The following FAM222A variants were observed in gnomAD, a reference collection of about 807,000 sequenced individuals.
FAM222A encodes the protein protein FAM222A.
In FAM222A, 7 loss-of-function variants were observed where a neutral mutation model predicts 25.8. The observed-to-expected ratio is 0.27, with a 90% CI of 0.15 to 0.51. The LOEUF is 0.51. Ranked by LOEUF, FAM222A falls within the 20% of genes least tolerant of loss-of-function variation. The pLI, the probability that FAM222A is intolerant of heterozygous loss-of-function variation, is 0.97. For missense variants in FAM222A, 573 were observed against 640.5 expected (o/e 0.89, Z 1.14); for synonymous variants, 294 against 298.8 (o/e 0.98, Z 0.17).
At chr12:109,767,959 G>T (rs1889104020) in intron 2 of FAM222A, 53 bp from the exon 3 acceptor site, 1 of 1,559,996 alleles carries the variant, frequency 6.4e-7, no homozygotes, top group Non-Finnish European at 8.7e-7. Flanking sequence ...GCCCTGTGGG[G>T]AGAGGTTGGC....
chr12:109,743,099 G>A (rs1888289092), intron 1 of FAM222A, among the ~76,000 whole-genome samples: 1 of 152,164 alleles, frequency 6.6e-6, no homozygotes, highest in African/African-American at 2.4e-5. Context: ...TGCCCGGGAA[G>A]ATGGACATCA....
intron 1 of FAM222A, among the ~76,000 whole-genome samples, chr12:109,730,651 G>A (rs368639480): frequency 6.6e-6 from 1 of 152,200 alleles, no homozygotes; most frequent in East Asian, 1.9e-4. Flanking sequence ...GTGGGCGTGT[G>A]TCTGGTCATC....
Position 109,714,337 on chromosome 12 carries a change from T to C in FAM222A, c.-607T>C, listed in dbSNP as rs1427072619. 6.5e-6 allele frequency: 1 copy of C among 153,578 alleles called. No individual in the cohort carries two copies. The highest frequency in any genetic ancestry group is 1.5e-5 in the Non-Finnish European group (1 of 68,532). The allele number at this position is 153,578 out of a possible 1,614,324, so 9.5% of individuals were successfully genotyped here. ...TGCAACCTGCAGGGGCCGGTGTATG[T>C]CCGGCGAGGAGCCGGGGCCGCTGCG... On this transcript the variant is annotated 5_prime_UTR_variant, in exon 1 of 3. Transcript: ENST00000538780. The surrounding 1 kb of genome is among the most constrained non-coding windows in gnomAD (Gnocchi z 4.2).
chr12:109,742,237 T>C (rs1888262618), intron 1 of FAM222A: 1 of 152,276 alleles, frequency 6.6e-6, no homozygotes, highest in Admixed American at 6.5e-5. Context: ...AGGGTGTGTG[T>C]GCACACCCAG....
intron 2 of FAM222A, among the ~76,000 whole-genome samples, chr12:109,745,476 C>G (rs888499626): frequency 6.6e-6 from 1 of 152,136 alleles, no homozygotes. Context: ...GTGGAAATAC[C>G]GGGTCAAACG....
intron 1 of FAM222A, among the ~76,000 whole-genome samples, chr12:109,723,568 G>A (rs1592777935): frequency 6.6e-6 from 1 of 152,008 alleles, no homozygotes; most frequent in Admixed American, 6.5e-5. Flanking sequence ...CATTAGACCC[G>A]CAGTCAGGGC....
chr12:109,739,296 A>T (rs1015781553), intron 1 of FAM222A, among the ~76,000 whole-genome samples: 1 of 152,208 alleles, frequency 6.6e-6, no homozygotes, highest in East Asian at 1.9e-4. Flanking sequence ...CATCAGGAAA[A>T]TGCTGGAGGC....
intron 1 of FAM222A, among the ~76,000 whole-genome samples, chr12:109,723,014 G>A (rs932310560): frequency 6.6e-6 from 1 of 151,396 alleles, no homozygotes; most frequent in Non-Finnish European, 1.5e-5. Context: ...GGGGGGGGAG[G>A]GGGTATCAGG....
At position 109,768,425 on chromosome 12, in the gene FAM222A, C is replaced by A. The variant is rs779987593; in HGVS notation, c.496C>A (p.Pro166Thr). 1 of 1,598,956 alleles carries A rather than the reference C, an allele frequency of 6.3e-7. No individual in the cohort carries two copies. Among genetic ancestry groups the A allele is most frequent in the Admixed American group, 1.7e-5 (1 of 59,842 alleles). Residue 166 changes from proline to threonine, a missense_variant, in exon 3 of 3, where the codon CCT becomes ACT. Around this residue, in one of 3 missense-constraint regions of FAM222A, gnomAD observed 412 missense variants for 407.0 expected, o/e 1.01. Transcript: ENST00000538780. ...PLAYPKPPEA[P>T]APPPGLPAAA... ...GGCCTACCCCAAGCCACCTGAGGCGCCTGCTCCACCACCCGGCCTGCCCGC... is the reference window on the plus strand; with the variant it reads ...GGCCTACCCCAAGCCACCTGAGGCGACTGCTCCACCACCCGGCCTGCCCGC...
chr12:109,732,493 C>T (rs142535245), intron 1 of FAM222A, among the ~76,000 whole-genome samples: 11 of 152,338 alleles, frequency 7.2e-5, no homozygotes, highest in South Asian at 2.1e-4. Flanking sequence ...CATGTGGGGG[C>T]GCGGAGCAGC....
In FAM222A at chr12:109,768,228, A is replaced by C. The variant is rs973212765; in HGVS notation, c.299A>C (p.Gln100Pro). 1 of 1,611,676 alleles carries C rather than the reference A, an allele frequency of 6.2e-7. No homozygotes were observed. The highest frequency in any genetic ancestry group is 1.3e-5 in the African/African-American group (1 of 75,000). Residue 100 changes from glutamine to proline, a missense_variant, in exon 3 of 3, where the codon CAG becomes CCG. By Grantham distance (76) the Gln-to-Pro change is moderately conservative. Coordinates refer to ENST00000538780, the MANE Select transcript of FAM222A (RefSeq NM_032829.3). ...SPYPQHTAGY[Q>P]GLLAIVKAAV... Reference sequence around the variant, plus strand: ...TACCCACAGCACACCGCTGGCTACCAGGGCCTTCTGGCCATTGTCAAGGCC... The same window carrying C: ...TACCCACAGCACACCGCTGGCTACCCGGGCCTTCTGGCCATTGTCAAGGCC...
chr12:109,735,721 A>C (rs1888066973), intron 1 of FAM222A: 1 of 152,254 alleles, frequency 6.6e-6, no homozygotes. Flanking sequence ...TTCCAAAAAA[A>C]ACTGGGCGGG....
intron 1 of FAM222A, among the ~76,000 whole-genome samples, chr12:109,733,224 C>T (rs1887989992): frequency 6.6e-6 from 1 of 152,076 alleles, no homozygotes; most frequent in Admixed American, 6.5e-5. Flanking sequence ...AAATCCATCC[C>T]AGGTTTCAAA....
chr12:109,757,013 T>C (rs907990017), intron 2 of FAM222A, among the ~76,000 whole-genome samples: 1 of 152,246 alleles, frequency 6.6e-6, no homozygotes, highest in Non-Finnish European at 1.5e-5. Flanking sequence ...TCAATCTCTT[T>C]ACTTGTTATA....
chr12:109,729,159 G>C (rs1457161300), intron 1 of FAM222A, among the ~76,000 whole-genome samples: 1 of 152,140 alleles, frequency 6.6e-6, no homozygotes, highest in Non-Finnish European at 1.5e-5. Flanking sequence ...ATCAGCCCAG[G>C]GGTTCCAGCA....
In FAM222A at chr12:109,751,216, AT is replaced by A. The variant is rs141182345; in HGVS notation, c.82+6997del. On this transcript the variant is annotated intron_variant, in intron 2 of 2. Transcript: ENST00000538780. ...GCTCATTCTATACTTGGACAGTATGATTTTTTTTTCTTCTGCTCTTGTATAT... is the reference window on the plus strand; with the variant it reads ...GCTCATTCTATACTTGGACAGTATGATTTTTTTTCTTCTGCTCTTGTATAT... 6.8e-4 allele frequency among the ~76,000 whole-genome samples: 101 copies of A among 148,362 alleles called. 1 individual carries two copies. Among genetic ancestry groups the A allele is most frequent in the Middle Eastern group, 6.9e-3 (2 of 290 alleles).
intron 1 of FAM222A, among the ~76,000 whole-genome samples, chr12:109,739,923 A>G (rs1026937217): frequency 4.6e-5 from 7 of 152,114 alleles, no homozygotes; most frequent in African/African-American, 1.4e-4. Flanking sequence ...AGGGCAGTCA[A>G]TACATGCTCA....
In FAM222A at chr12:109,714,434, G is replaced by GGCGGGCGA. The variant is rs1238739604; in HGVS notation, c.-506_-499dup. On this transcript the variant is annotated 5_prime_UTR_variant, in exon 1 of 3. An upstream open reading frame in the 5' UTR loses its in-frame stop. Transcript: ENST00000538780. The surrounding 1 kb of genome is among the most constrained non-coding windows in gnomAD (Gnocchi z 4.2). ...ACCCGGGGGCTGCAAGCCGCGGGCG[G>GGCGGGCGA]GCGGGCGAGCGAGAGGAAGCAACAA... 6.6e-6 allele frequency: 1 copy of GGCGGGCGA among 152,402 alleles called. No individual in the cohort carries two copies. Among genetic ancestry groups the GGCGGGCGA allele is most frequent in the South Asian group, 2.1e-4 (1 of 4,874 alleles). The allele number at this position is 152,402 out of a possible 1,614,324, so 9.4% of individuals were successfully genotyped here.
At chr12:109,765,374 C>T (rs543388331) in intron 2 of FAM222A, among the ~76,000 whole-genome samples, 5 of 152,130 alleles carry the variant, frequency 3.3e-5, no homozygotes, top group South Asian at 2.1e-4. Context: ...CAGTGAGAGC[C>T]GCTTTCCTGC....
Sources: allele counts gnomAD v4.1 joint callset (sites outside exome capture counted in the v4.1 genomes callset), GRCh38; gene constraint gnomAD v4.1.1; regional missense constraint gnomAD v4.1.1; non-coding constraint Gnocchi (gnomAD v3.1); transcripts MANE v1.5; gene names NCBI Gene and HGNC (gene_info 2026-07-23, HGNC 2026-07-21).